The following NCK2 variants were observed in gnomAD, a reference collection of about 807,000 sequenced individuals.
NCK2 encodes NCK adaptor protein 2.
Under a neutral mutation model 33.9 loss-of-function variants are expected in NCK2, and 16 were observed. That is an observed-to-expected ratio of 0.47 (90% CI 0.32 to 0.72). The LOEUF is 0.72. NCK2 is among the 30% of genes least tolerant of loss of function. The pLI, the probability that NCK2 is intolerant of heterozygous loss-of-function variation, is 0.03. For synonymous variants in NCK2, 273 were observed against 239.9 expected (o/e 1.14, Z -1.27); for missense variants, 418 against 537.3 (o/e 0.78, Z 2.19).
intron 4 of NCK2, among the ~76,000 whole-genome samples, chr2:105,885,210 C>T (rs1678676009): frequency 6.6e-6 from 1 of 152,134 alleles, no homozygotes; most frequent in Admixed American, 6.6e-5. Context: ...TGCGGGAGGC[C>T]ATTTTCCTCT....
chr2:105,782,929 G>A (rs917914373), intron 1 of NCK2, among the ~76,000 whole-genome samples: 2 of 152,188 alleles, frequency 1.3e-5, no homozygotes, highest in African/African-American at 4.8e-5. Flanking sequence ...CCGGCTTGGC[G>A]AAGAGGGTGG....
chr2:105,839,380 G>A (rs1184942413), intron 2 of NCK2, among the ~76,000 whole-genome samples: 1 of 152,154 alleles, frequency 6.6e-6, no homozygotes, highest in African/African-American at 2.4e-5. Flanking sequence ...TGTTGGTCTG[G>A]AGTGAAGTGC....
At chr2:105,758,532 C>G (rs1390851084) in intron 1 of NCK2, among the ~76,000 whole-genome samples, 2 of 151,494 alleles carry the variant, frequency 1.3e-5, no homozygotes, top group African/African-American at 4.9e-5. Context: ...GCCTCAGCCT[C>G]TCGAGTAGCT....
chr2:105,843,646 G>C (rs1349315615), intron 2 of NCK2, among the ~76,000 whole-genome samples: 6 of 152,124 alleles, frequency 3.9e-5, no homozygotes, highest in African/African-American at 1.4e-4. Flanking sequence ...AGCTGAAAAC[G>C]CTCCCATACA....
At chr2:105,863,975 G>C (rs541812687) in intron 3 of NCK2, among the ~76,000 whole-genome samples, 1 of 146,764 alleles carries the variant, frequency 6.8e-6, no homozygotes, top group African/African-American at 2.4e-5. Flanking sequence ...TTGGCGAGGG[G>C]GGGTGGGGTC....
chr2:105,769,214 A>G (rs1360122731), intron 1 of NCK2, among the ~76,000 whole-genome samples: 1 of 151,954 alleles, frequency 6.6e-6, no homozygotes, highest in Non-Finnish European at 1.5e-5. Flanking sequence ...ACCAGGGACC[A>G]AGACCAGAGA....
chr2:105,811,958 A>G (rs1024913373), intron 1 of NCK2, among the ~76,000 whole-genome samples: 30 of 152,042 alleles, frequency 2.0e-4, no homozygotes, highest in Admixed American at 1.6e-3. Flanking sequence ...TTAAACTCTA[A>G]TCAGTCACTT....
intron 2 of NCK2, among the ~76,000 whole-genome samples, chr2:105,829,935 G>A (rs1676101994): frequency 6.6e-6 from 1 of 151,648 alleles, no homozygotes; most frequent in Non-Finnish European, 1.5e-5. Flanking sequence ...GTTTTTTTGA[G>A]TTGATACATT....
At chr2:105,837,969 C>G (rs1164875193) in intron 2 of NCK2, among the ~76,000 whole-genome samples, 1 of 152,198 alleles carries the variant, frequency 6.6e-6, no homozygotes, top group Non-Finnish European at 1.5e-5. Context: ...AACACCAGTC[C>G]TGTACGATTA....
At chr2:105,836,929 T>C (rs963580482) in intron 2 of NCK2, among the ~76,000 whole-genome samples, 1 of 152,214 alleles carries the variant, frequency 6.6e-6, no homozygotes, top group African/African-American at 2.4e-5. Flanking sequence ...GGATGCCAGG[T>C]ACCTCCCTTT....
At chr2:105,783,692 A>T (rs2104407970) in intron 1 of NCK2, among the ~76,000 whole-genome samples, 1 of 152,254 alleles carries the variant, frequency 6.6e-6, no homozygotes, top group Middle Eastern at 3.4e-3. Flanking sequence ...AGCCCTACAT[A>T]AATGTATTCA....
intron 1 of NCK2, among the ~76,000 whole-genome samples, chr2:105,800,490 G>T (rs1674787888): frequency 6.6e-6 from 1 of 152,194 alleles, no homozygotes; most frequent in African/African-American, 2.4e-5. Context: ...AAACTTGAGT[G>T]CTGGAGGCCA....
At chr2:105,845,453 G>A (rs1408537769) in intron 2 of NCK2, among the ~76,000 whole-genome samples, 4 of 150,812 alleles carry the variant, frequency 2.7e-5, no homozygotes, top group Non-Finnish European at 5.9e-5. Flanking sequence ...GGAGTGCAGT[G>A]ACTGATCTTT....
rs563138682 is a variant in NCK2, at chr2:105,824,151, G to C, written c.-17+7538G>C. ...CAACATTCCATTTTGGGTTTTGCTT[G>C]TGATTGTTACCTTATTTCACATGTG... On this transcript the variant is annotated intron_variant, in intron 2 of 4. Transcript: ENST00000233154. Among the ~76,000 whole-genome samples the C allele has an allele frequency of 8.5e-5, 13 of 152,150 alleles. 1 individual carries two copies. The highest frequency in any genetic ancestry group is 3.1e-4 in the African/African-American group (13 of 41,422).
chr2:105,760,312 G>C (rs993348424), intron 1 of NCK2, among the ~76,000 whole-genome samples: 3 of 152,204 alleles, frequency 2.0e-5, no homozygotes, highest in Non-Finnish European at 4.4e-5. Context: ...TGTGGTCCTG[G>C]GCTGTGGAGA....
At chr2:105,772,416 T>C (rs941306041) in intron 1 of NCK2, among the ~76,000 whole-genome samples, 2 of 152,262 alleles carry the variant, frequency 1.3e-5, no homozygotes, top group African/African-American at 4.8e-5. Context: ...CCGGGGAATG[T>C]GGGCATAGTC....
Position 105,793,748 on chromosome 2 carries a change from C to T in NCK2, c.-200-22682C>T, listed in dbSNP as rs531678392. Among the ~76,000 whole-genome samples, 5 of 152,352 alleles carry T rather than the reference C, an allele frequency of 3.3e-5. No homozygotes were observed. In the South Asian group the frequency reaches 6.2e-4, roughly 19 times the overall value. On this transcript the variant is annotated intron_variant, in intron 1 of 4. Coordinates refer to ENST00000233154, the MANE Select transcript of NCK2 (RefSeq NM_003581.5). ...AGCGAAAGCTGCCTTAGGTGGCCTT[C>T]GTGTTCTCTTGCCACGTGCCTGTAG...
intron 2 of NCK2, among the ~76,000 whole-genome samples, chr2:105,833,897 C>T (rs1278062384): frequency 2.6e-5 from 4 of 152,012 alleles, no homozygotes; most frequent in African/African-American, 9.7e-5. Flanking sequence ...TTCTTAATTT[C>T]TTCATTGACT....
At chr2:105,834,669 A>AT (rs1379239568) in intron 2 of NCK2, among the ~76,000 whole-genome samples, 7 of 151,244 alleles carry the variant, frequency 4.6e-5, no homozygotes, top group East Asian at 1.9e-4. Flanking sequence ...TTCAATTTTA[A>AT]TTTTTTTATT....
Sources: gnomAD v4.1 joint callset for allele counts (sites outside exome capture counted in the v4.1 genomes callset) on GRCh38, gnomAD v4.1.1 for gene constraint, MANE v1.5 for transcripts, NCBI Gene and HGNC (gene_info 2026-07-23, HGNC 2026-07-21) for gene names.